SPECC1: variants seen among roughly 807,000 people sequenced by gnomAD.
SPECC1 encodes cytospin-B.
SPECC1 carries 62 observed loss-of-function variants against 104.1 expected under a neutral mutation model. The observed-to-expected ratio is 0.60, with a 90% CI of 0.49 to 0.74. SPECC1 has a LOEUF of 0.74. Among genes scored for constraint, SPECC1 ranks in the 30% least tolerant of loss-of-function variants. SPECC1 has a pLI of 0.00. For missense variants in SPECC1, 1,306 were observed against 1,310.5 expected (o/e 1.00, Z 0.05); for synonymous variants, 513 against 501.6 (o/e 1.02, Z -0.30).
At chr17:20,242,865 A>G (rs987536300) in intron 7 of SPECC1, among the ~76,000 whole-genome samples, 4 of 152,230 alleles carry the variant, frequency 2.6e-5, no homozygotes, top group African/African-American at 7.2e-5. Context: ...CTTGGCATAT[A>G]CAGTGGAGTT....
Position 20,231,758 on chromosome 17 carries a change from G to A in SPECC1, c.2072G>A (p.Ser691Asn), listed in dbSNP as rs2038593885. The A allele has an allele frequency of 1.2e-6, 2 of 1,613,786 alleles. No homozygotes were observed. The highest frequency in any genetic ancestry group is 2.7e-5 in the African/African-American group (2 of 74,870). The change falls in exon 6 of 15, where the codon AGT becomes AAT. Residue 691 changes from serine (S) to asparagine (N), a missense_variant and splice_region_variant. By Grantham distance (46) the Ser-to-Asn change is conservative. Transcript: ENST00000395527. Reference sequence around the variant, plus strand: ...CCCTGTCTGAATTATTTATTTCTAGGTAGTGTGATCAAGCTGGAGGAACAG... The same window carrying A: ...CCCTGTCTGAATTATTTATTTCTAGATAGTGTGATCAAGCTGGAGGAACAG... The part of the protein sequence containing the change: ...HNNQLISELE[S>N]SVIKLEEQKS...
intron 3 of SPECC1, among the ~76,000 whole-genome samples, chr17:20,136,640 G>T (rs2030013915): frequency 6.6e-6 from 1 of 152,170 alleles, no homozygotes; most frequent in Admixed American, 6.5e-5. Context: ...GAACTATTCA[G>T]TGTGTCTGGA....
intron 3 of SPECC1, among the ~76,000 whole-genome samples, chr17:20,114,148 C>T (rs1338596902): frequency 1.3e-5 from 2 of 152,152 alleles, no homozygotes; most frequent in African/African-American, 4.8e-5. Flanking sequence ...TAACACCAAT[C>T]AGTCAGCACC....
At chr17:20,018,045 T>C (rs1372018807) in intron 1 of SPECC1, 1 of 152,530 alleles carries the variant, frequency 6.6e-6, no homozygotes, top group African/African-American at 2.4e-5. Flanking sequence ...GTGGCGTGTG[T>C]ATTCCATGTG....
intron 12 of SPECC1, among the ~76,000 whole-genome samples, chr17:20,260,833 G>A (rs1057143148): frequency 6.6e-6 from 1 of 152,032 alleles, no homozygotes; most frequent in African/African-American, 2.4e-5. Flanking sequence ...TCATATGAGG[G>A]GTAGGGGATG....
chr17:20,182,282 CT>C (rs1193619124), intron 3 of SPECC1, among the ~76,000 whole-genome samples: 1 of 151,710 alleles, frequency 6.6e-6, no homozygotes, highest in Admixed American at 6.6e-5. Flanking sequence ...TCCCGCTAAA[CT>C]TTTTGTATTT....
chr17:20,283,912 A>G (rs1216860475), intron 12 of SPECC1, among the ~76,000 whole-genome samples: 2 of 152,136 alleles, frequency 1.3e-5, no homozygotes, highest in African/African-American at 4.8e-5. Context: ...TTACAGGAAT[A>G]TATTTTGAGT....
intron 1 of SPECC1, among the ~76,000 whole-genome samples, chr17:20,079,014 C>T (rs2046868786): frequency 6.6e-6 from 1 of 152,154 alleles, no homozygotes; most frequent in Admixed American, 6.5e-5. Flanking sequence ...TGTAGAAGCT[C>T]AAGGTTGGGA....
At chr17:20,258,925 T>A (rs1305122956) in intron 11 of SPECC1, among the ~76,000 whole-genome samples, 1 of 152,256 alleles carries the variant, frequency 6.6e-6, no homozygotes, top group Non-Finnish European at 1.5e-5. Context: ...TATGCTATAA[T>A]TTAGTTGACA....
chr17:20,305,918 T>C (rs1381017733), intron 13 of SPECC1, 105 bp from the exon 14 acceptor site: 13 of 1,026,468 alleles, frequency 1.3e-5, no homozygotes, highest in Non-Finnish European at 1.7e-5. Context: ...TTCTTCGCTT[T>C]ATAATAGTGA....
At chr17:20,295,020 T>TTAC (rs1350690963) in intron 12 of SPECC1, among the ~76,000 whole-genome samples, 1 of 140,352 alleles carries the variant, frequency 7.1e-6, no homozygotes. Context: ...CCATCTATTA[T>TTAC]TATTATTATT....
At chr17:20,216,770 T>G (rs1004682441) in intron 4 of SPECC1, among the ~76,000 whole-genome samples, 1 of 152,184 alleles carries the variant, frequency 6.6e-6, no homozygotes, top group Admixed American at 6.5e-5. Flanking sequence ...AATTGAGAGA[T>G]GCATGAGAGT....
intron 1 of SPECC1, among the ~76,000 whole-genome samples, chr17:20,044,019 G>T (rs1357459390): frequency 6.6e-6 from 1 of 152,118 alleles, no homozygotes; most frequent in Non-Finnish European, 1.5e-5. Flanking sequence ...TGGAACAGAG[G>T]AGGATTTAAT....
At chr17:20,260,401 T>C (rs1225278072) in intron 12 of SPECC1, 107 bp downstream of exon 12, 3 of 894,926 alleles carry the variant, frequency 3.4e-6, no homozygotes, top group South Asian at 3.6e-5. Context: ...ATGCATGTAA[T>C]TGTCATCTTT....
At chr17:20,088,200 G>C (rs2047252271) in intron 1 of SPECC1, among the ~76,000 whole-genome samples, 1 of 152,134 alleles carries the variant, frequency 6.6e-6, no homozygotes, top group Non-Finnish European at 1.5e-5. Flanking sequence ...TTCTGTGTAG[G>C]GAGTGATGTG....
At chr17:20,240,194 G>A (rs2151516189) in intron 7 of SPECC1, among the ~76,000 whole-genome samples, 1 of 145,614 alleles carries the variant, frequency 6.9e-6, no homozygotes, top group South Asian at 2.2e-4. Context: ...AGGGATTACA[G>A]CCATGAGCCA....
chr17:20,185,780 G>A (rs1012583002), intron 3 of SPECC1, among the ~76,000 whole-genome samples: 7 of 152,166 alleles, frequency 4.6e-5, no homozygotes, highest in Admixed American at 4.6e-4. Context: ...TGAACCAGAA[G>A]CATTTGTCTA....
chr17:20,100,257 G>T (rs759197882), intron 2 of SPECC1, among the ~76,000 whole-genome samples: 1 of 152,104 alleles, frequency 6.6e-6, no homozygotes, highest in Non-Finnish European at 1.5e-5. Context: ...AATGTAGCCC[G>T]CCTGACCTTT....
chr17:20,019,667 G>C (rs1365206663), intron 1 of SPECC1, among the ~76,000 whole-genome samples: 1 of 152,164 alleles, frequency 6.6e-6, no homozygotes, highest in African/African-American at 2.4e-5. Context: ...GGAATGACAC[G>C]AAAGAGCTGA....
Sources: gnomAD v4.1 joint callset for allele counts (sites outside exome capture counted in the v4.1 genomes callset) on GRCh38, gnomAD v4.1.1 for gene constraint, MANE v1.5 for transcripts, NCBI Gene and HGNC (gene_info 2026-07-23, HGNC 2026-07-21) for gene names.